The following SMARCC1 variants were observed in gnomAD, a reference collection of about 807,000 sequenced individuals.
SMARCC1 encodes SWI/SNF complex subunit SMARCC1.
SMARCC1 carries 43 observed loss-of-function variants against 147.4 expected under a neutral mutation model. The ratio of observed to expected loss-of-function variants is 0.29; its 90% CI spans 0.23 to 0.38. The LOEUF (loss-of-function observed/expected upper bound fraction) is 0.38, where lower values mean the gene tolerates loss of function less well. Ranked by LOEUF, SMARCC1 falls within the 10% of genes least tolerant of loss-of-function variation. SMARCC1 has a pLI of 1.00. For missense variants in SMARCC1, 1,119 were observed against 1,381.1 expected, an observed-to-expected ratio of 0.81 and a Z score of 3.01; for synonymous variants, 495 against 484.4, an observed-to-expected ratio of 1.02 and a Z score of -0.29.
At chr3:47,676,932 G>A in intron 16 of SMARCC1, 150 bp from the exon 17 acceptor site, 1 of 661,584 alleles carries the variant, frequency 1.5e-6, no homozygotes, top group Non-Finnish European at 2.6e-6. Context: ...GACAGATTTT[G>A]TTATGTGACG....
Position 47,734,793 on chromosome 3 carries a change from C to T in SMARCC1, c.576+1241G>A, listed in dbSNP as rs539898663. Among the ~76,000 whole-genome samples, 18 of 152,324 alleles carry T rather than the reference C, an allele frequency of 1.2e-4. No individual in the cohort carries two copies. The East Asian group carries it at 2.9e-3, about 24-fold the overall frequency. On this transcript the variant is annotated intron_variant, in intron 5 of 27. Coordinates refer to ENST00000254480, the MANE Select transcript of SMARCC1 (RefSeq NM_003074.4). ...GCAGAATTTTTCTGAGACGGAGTCT[C>T]GCTCTGTCACCAGGAGCACAGTGGC...
rs1016601442 is a variant in SMARCC1 at position 47,670,866 on chromosome 3, T to C, written c.1840-149A>G. 4 of 632,128 alleles carry C rather than the reference T, an allele frequency of 6.3e-6. No individual in the cohort carries two copies. The Middle Eastern group carries it at 1.4e-3, about 220-fold the overall frequency. The allele number at this position is 632,128 out of a possible 1,614,324, so 39.2% of individuals were successfully genotyped here. ...CAGGAATAAAACACTTTAAGGAGCC[T>C]AAACTTCTATAAGAAATGCTGGCTT... is the stretch of plus-strand genomic sequence containing the variant. On this transcript the variant is annotated intron_variant, in intron 18 of 27. Coordinates refer to ENST00000254480, the MANE Select transcript of SMARCC1 (RefSeq NM_003074.4).
chr3:47,697,622 A>G (rs768955309), intron 11 of SMARCC1, among the ~76,000 whole-genome samples: 11 of 136,714 alleles, frequency 8.0e-5, no homozygotes, highest in South Asian at 2.4e-4. Flanking sequence ...CTCTTAAGGG[A>G]AAAAAAAAAA....
In SMARCC1 at chr3:47,714,563, T is replaced by C. The variant is rs554654245; in HGVS notation, c.717-73A>G. 4.6e-5 allele frequency: 36 copies of C among 779,644 alleles called. No homozygotes were observed. The East Asian group carries it at 9.1e-4, about 20-fold the overall frequency. The allele number at this position is 779,644 out of a possible 1,614,324, so 48.3% of individuals were successfully genotyped here. A position where few individuals can be genotyped will look rare whatever the true frequency, so the allele number is the denominator to read the frequency against. ...TCATTAGAAAGACTTTTACAAATAA[T>C]AAGAACATGTTTTAGAAATACTACT... is the stretch of plus-strand genomic sequence containing the variant. On this transcript the variant is annotated intron_variant, in intron 7 of 27. Coordinates refer to ENST00000254480, the MANE Select transcript of SMARCC1 (RefSeq NM_003074.4).
At chr3:47,600,764 G>C (rs929217359) in intron 26 of SMARCC1, among the ~76,000 whole-genome samples, 2 of 152,108 alleles carry the variant, frequency 1.3e-5, no homozygotes, top group Admixed American at 6.5e-5. Context: ...TTGTCCTTAA[G>C]AAGTCTAAAC....
At chr3:47,600,533 A>G (rs1470761947) in intron 26 of SMARCC1, among the ~76,000 whole-genome samples, 1 of 152,230 alleles carries the variant, frequency 6.6e-6, no homozygotes, top group Non-Finnish European at 1.5e-5. Flanking sequence ...CAGAGAAGCT[A>G]TGTAATTTGG....
intron 9 of SMARCC1, 78 bp from the exon 10 acceptor site, chr3:47,706,608 C>A: frequency 7.5e-7 from 1 of 1,326,170 alleles, no homozygotes; most frequent in Non-Finnish European, 1.0e-6. Context: ...AAAGGTGAAT[C>A]TCCACACACA....
At chr3:47,683,872 C>T (rs2033685771) in intron 14 of SMARCC1, among the ~76,000 whole-genome samples, 1 of 152,124 alleles carries the variant, frequency 6.6e-6, no homozygotes, top group Non-Finnish European at 1.5e-5. Context: ...ACAACAACAA[C>T]AAAACAGTCG....
intron 1 of SMARCC1, among the ~76,000 whole-genome samples, chr3:47,781,110 T>C (rs1021843885): frequency 6.6e-6 from 1 of 152,176 alleles, no homozygotes; most frequent in African/African-American, 2.4e-5. Flanking sequence ...CCGTCGTTAA[T>C]AGTTCTCATC....
intron 2 of SMARCC1, among the ~76,000 whole-genome samples, chr3:47,757,051 G>C (rs550251831): frequency 6.6e-6 from 1 of 152,166 alleles, no homozygotes; most frequent in South Asian, 2.1e-4. Flanking sequence ...AGGAGTTTGA[G>C]ATCAGCCTGG....
chr3:47,591,447 T>C (rs1658756757), intron 26 of SMARCC1, among the ~76,000 whole-genome samples: 3 of 151,808 alleles, frequency 2.0e-5, no homozygotes, highest in African/African-American at 7.3e-5. Context: ...GAGCCCACTA[T>C]GAAGCACTGG....
intron 2 of SMARCC1, among the ~76,000 whole-genome samples, chr3:47,763,509 T>C (rs1417540202): frequency 6.6e-6 from 1 of 151,992 alleles, no homozygotes; most frequent in Non-Finnish European, 1.5e-5. Context: ...GTAGATATAT[T>C]AAGAAAAGCT....
At chr3:47,725,813 A>C (rs1472921811) in intron 6 of SMARCC1, among the ~76,000 whole-genome samples, 1 of 150,990 alleles carries the variant, frequency 6.6e-6, no homozygotes, top group African/African-American at 2.4e-5. Flanking sequence ...TGTAATCCCA[A>C]CACTTTGGGA....
At chr3:47,595,863 T>C (rs576047133) in intron 26 of SMARCC1, among the ~76,000 whole-genome samples, 2 of 151,466 alleles carry the variant, frequency 1.3e-5, no homozygotes, top group African/African-American at 4.8e-5. Flanking sequence ...GCCTCCCGAA[T>C]AGCTGAAACT....
chr3:47,756,036 C>T (rs1232619683), intron 2 of SMARCC1, among the ~76,000 whole-genome samples: 2 of 128,338 alleles, frequency 1.6e-5, no homozygotes, highest in Non-Finnish European at 3.2e-5. Flanking sequence ...GGCGTGGTGG[C>T]GGGCGCCTAT....
intron 8 of SMARCC1, among the ~76,000 whole-genome samples, chr3:47,712,883 A>T (rs2034105675): frequency 6.6e-6 from 1 of 152,180 alleles, no homozygotes; most frequent in Non-Finnish European, 1.5e-5. Flanking sequence ...CCCAGTTCTG[A>T]TACTATAATC....
chr3:47,621,765 C>T (rs1433302486), intron 25 of SMARCC1, among the ~76,000 whole-genome samples: 3 of 150,600 alleles, frequency 2.0e-5, no homozygotes, highest in Admixed American at 6.6e-5. Context: ...ACAATATATC[C>T]ATGTAACAAA....
intron 25 of SMARCC1, among the ~76,000 whole-genome samples, chr3:47,612,612 T>C (rs891139631): frequency 6.6e-6 from 1 of 152,190 alleles, no homozygotes. Flanking sequence ...AATAAGAGGA[T>C]GAGAGGGCCA....
At chr3:47,751,787 C>T (rs1218662455) in intron 2 of SMARCC1, among the ~76,000 whole-genome samples, 4 of 151,878 alleles carry the variant, frequency 2.6e-5, no homozygotes, top group South Asian at 2.1e-4. Context: ...TGAAGTTCAA[C>T]GAGATAAAAA....
Sources: gnomAD v4.1 joint callset for allele counts (sites outside exome capture counted in the v4.1 genomes callset) on GRCh38, gnomAD v4.1.1 for gene constraint, MANE v1.5 for transcripts, NCBI Gene and HGNC (gene_info 2026-07-23, HGNC 2026-07-21) for gene names.